DPH1: variants seen among roughly 807,000 people sequenced by gnomAD.
DPH1 encodes diphthamide biosynthesis 1.
In DPH1, 59 loss-of-function variants were observed where a neutral mutation model predicts 55.3. The observed-to-expected ratio is 1.07, with a 90% CI of 0.87 to 1.33. The LOEUF (loss-of-function observed/expected upper bound fraction) is 1.33. DPH1 is among the 40% of genes most tolerant of loss of function. DPH1 has a pLI of 0.00. For synonymous variants in DPH1, 238 were observed against 235.5 expected (o/e 1.01, Z -0.10); for missense variants, 628 against 584.8 (o/e 1.07, Z -0.76).
intron 12 of DPH1, 134 bp downstream of exon 12, chr17:2,042,009 G>C (rs1597289854): frequency 2.7e-6 from 4 of 1,493,348 alleles, no homozygotes; most frequent in Non-Finnish European, 3.6e-6. Flanking sequence ...CTCGGGGAAA[G>C]ACCGCTTCCG....
chr17:2,041,321 T>C (rs1192112925), intron 10 of DPH1, 140 bp downstream of exon 10: 7 of 1,450,498 alleles, frequency 4.8e-6, no homozygotes, highest in Non-Finnish European at 2.8e-6. Flanking sequence ...GCGGAGTCAC[T>C]TCCTAGCTGT....
At chr17:2,042,124 C>A in intron 12 of DPH1, 1 of 1,560,502 alleles carries the variant, frequency 6.4e-7, no homozygotes, top group South Asian at 1.2e-5. Flanking sequence ...CGTGAGAAGA[C>A]CGGGGCGCTG....
chr17:2,042,187 CG>C, intron 12 of DPH1: 1 of 1,436,630 alleles, frequency 7.0e-7, no homozygotes, highest in Non-Finnish European at 9.1e-7. Flanking sequence ...GGCCCGCACC[CG>C]GTCCCCGACC....
chr17:2,037,912 G>C (rs1039715774), intron 6 of DPH1, among the ~76,000 whole-genome samples: 2 of 152,146 alleles, frequency 1.3e-5, no homozygotes, highest in African/African-American at 4.8e-5. Context: ...TGTAAAACAG[G>C]TATACTATAC....
At chr17:2,040,963 C>CA in intron 9 of DPH1, 140 bp from the exon 10 acceptor site, 1 of 817,996 alleles carries the variant, frequency 1.2e-6, no homozygotes, top group Non-Finnish European at 2.0e-6. Flanking sequence ...TTCCAAACAG[C>CA]AGTGGGTCAC....
intron 6 of DPH1, among the ~76,000 whole-genome samples, chr17:2,037,858 C>T (rs11653030): frequency 0.068 from 10,378 of 152,210 alleles, 500 homozygotes; most frequent in Admixed American, 0.092. Context: ...CTGTTTAATA[C>T]TAGGCGAGTT....
At chr17:2,031,067 C>T (rs1361699696) in intron 1 of DPH1, among the ~76,000 whole-genome samples, 1 of 152,198 alleles carries the variant, frequency 6.6e-6, no homozygotes, top group Non-Finnish European at 1.5e-5. Flanking sequence ...AAGTTAATTT[C>T]TTGCCTTTTC....
At position 2,036,708 on chromosome 17, in the gene DPH1, G is replaced by A. The variant is rs764637283; in HGVS notation, c.558+22G>A. The A allele has an allele frequency of 8.1e-6, 13 of 1,613,404 alleles. No individual in the cohort carries two copies. The East Asian group carries it at 1.1e-4, about 14-fold the overall frequency. Reference sequence around the variant, plus strand: ...GCAGGTGGGTGGAACGAGGATCCTCGGCCTCCTGCAGGGTGGACAGCGGCC... The same window carrying A: ...GCAGGTGGGTGGAACGAGGATCCTCAGCCTCCTGCAGGGTGGACAGCGGCC... On this transcript the variant is annotated intron_variant, in intron 5 of 12. Transcript: ENST00000263083. The surrounding 1 kb of genome is among the most constrained non-coding windows in gnomAD (Gnocchi z 4.8).
rs945212209 is a variant in DPH1, at chr17:2,042,578, C to T, written c.*19-27C>T. ...TCCTGGAGCCTCCCATGCCCTAATC[C>T]CATCCTTTTTCCTCATATCGCTGTA... On this transcript the variant is annotated intron_variant, in intron 12 of 12. Coordinates refer to ENST00000263083, the MANE Select transcript of DPH1 (RefSeq NM_001383.6). 2.0e-6 allele frequency: 3 copies of T among 1,506,848 alleles called. No homozygotes were observed. The African/African-American group carries it at 4.2e-5, about 21-fold the overall frequency. 93.3% of individuals were successfully genotyped at this position (1,506,848 alleles called of 1,614,324 possible).
In DPH1 at chr17:2,040,600, G is replaced by T; in HGVS notation, c.1002G>T (p.Val334=). Residue 334 remains valine, a synonymous_variant, in exon 9 of 13, where the codon GTG becomes GTT. Coordinates refer to ENST00000263083, the MANE Select transcript of DPH1 (RefSeq NM_001383.6). ...FPSKLSLLPE[V]DVWVQVACPR... Reference sequence around the variant, plus strand: ...GCAAGCTTAGCCTACTTCCTGAGGTGGATGTGTGAGTATCTGCCTGGCTAT... The same window carrying T: ...GCAAGCTTAGCCTACTTCCTGAGGTTGATGTGTGAGTATCTGCCTGGCTAT... 1 of 1,614,036 alleles carries T rather than the reference G, an allele frequency of 6.2e-7. No homozygotes were observed. The highest frequency in any genetic ancestry group is 8.5e-7 in the Non-Finnish European group (1 of 1,179,910).
At chr17:2,041,023 G>T in intron 9 of DPH1, 80 bp from the exon 10 acceptor site, 1 of 1,349,496 alleles carries the variant, frequency 7.4e-7, no homozygotes. Flanking sequence ...GGTGTGCTGG[G>T]GGCACTGTCA....
chr17:2,040,006 G>C (rs1470663523), intron 7 of DPH1, among the ~76,000 whole-genome samples, 183 bp downstream of exon 7: 1 of 152,222 alleles, frequency 6.6e-6, no homozygotes, highest in African/African-American at 2.4e-5. Context: ...CCGTCTCCTG[G>C]GGTTTACACG....
Position 2,040,518 on chromosome 17 carries a change from G to A in DPH1, c.920G>A (p.Arg307Gln), listed in dbSNP as rs764906514. The A allele has an allele frequency of 8.7e-6, 14 of 1,614,142 alleles. No homozygotes were observed. The highest frequency in any genetic ancestry group is 1.1e-5 in the Non-Finnish European group (13 of 1,180,032). ...SPKILEHLES[R>Q]LRALGLSFVR... is the part of the protein sequence containing the mutation. ...CTCTCCCAACAGCACCTGGAATCTC[G>A]ACTCCGAGCCTTGGGCCTTTCCTTT... is the stretch of plus-strand genomic sequence containing the variant. Residue 307 changes from arginine (R) to glutamine (Q), a missense_variant, in exon 9 of 13, where the codon CGA becomes CAA. Transcript: ENST00000263083.
chr17:2,042,374 C>T (rs1222021688), intron 12 of DPH1: 3 of 1,303,678 alleles, frequency 2.3e-6, no homozygotes, highest in African/African-American at 1.5e-5. Flanking sequence ...CGACCCATAC[C>T]CTCTTTGCTC....
rs1418158991 is a variant in DPH1, at chr17:2,040,676, G to C, written c.1007+71G>C. 2.9e-5 allele frequency: 45 copies of C among 1,534,168 alleles called. No individual in the cohort carries two copies. The South Asian group carries it at 4.3e-4, about 15-fold the overall frequency. On this transcript the variant is annotated intron_variant, in intron 9 of 12. Coordinates refer to ENST00000263083, the MANE Select transcript of DPH1 (RefSeq NM_001383.6). ...GGGTCTTGCCCAGCTCGTCTTGAAG[G>C]CTGGAGCCAACAGGAATTGCTTCCA...
chr17:2,033,414 C>T (rs1447136506), intron 1 of DPH1, 91 bp from the exon 2 acceptor site: 5 of 1,592,050 alleles, frequency 3.1e-6, no homozygotes, highest in Non-Finnish European at 8.5e-7. Context: ...TGAGCGGGGG[C>T]ACCGGCAGGC....
intron 12 of DPH1, 142 bp downstream of exon 12, chr17:2,042,017 C>A (rs1438449356): frequency 6.7e-7 from 1 of 1,494,824 alleles, no homozygotes; most frequent in African/African-American, 1.4e-5. Context: ...AAGACCGCTT[C>A]CGGTGCTTCC....
chr17:2,043,345 A>G lies in DPH1; in HGVS notation c.*759A>G. 1 of 504,944 alleles carries G rather than the reference A, an allele frequency of 2.0e-6. No homozygotes were observed. The highest frequency in any genetic ancestry group is 3.4e-6 in the Non-Finnish European group (1 of 289,952). 31.3% of individuals were successfully genotyped at this position (504,944 alleles called of 1,614,324 possible). A position where few individuals can be genotyped will look rare whatever the true frequency, so the allele number is the denominator to read the frequency against. On this transcript the variant is annotated 3_prime_UTR_variant, in exon 13 of 13. Coordinates refer to ENST00000263083, the MANE Select transcript of DPH1 (RefSeq NM_001383.6). ...AACGCAAACATGAATATGGTTGGAGAGCCCTGGATTAGGAGGGTGACATGG... is the reference window on the plus strand; with the variant it reads ...AACGCAAACATGAATATGGTTGGAGGGCCCTGGATTAGGAGGGTGACATGG...
intron 12 of DPH1, 62 bp downstream of exon 12, chr17:2,041,937 C>T (rs2067537261): frequency 2.6e-6 from 4 of 1,527,918 alleles, no homozygotes; most frequent in South Asian, 2.4e-5. Context: ...CGCCTTGGCG[C>T]TCCGAGGCCC....
Sources: allele counts gnomAD v4.1 joint callset (sites outside exome capture counted in the v4.1 genomes callset), GRCh38; gene constraint gnomAD v4.1.1; non-coding constraint Gnocchi (gnomAD v3.1); transcripts MANE v1.5; gene names NCBI Gene and HGNC (gene_info 2026-07-23, HGNC 2026-07-21).